The following KCNK2 variants were observed in gnomAD, a reference collection of about 807,000 sequenced individuals.
KCNK2 encodes potassium two pore domain channel subfamily K member 2, also known as potassium channel subfamily K member 2.
A neutral mutation model predicts 40.5 loss-of-function variants in KCNK2; 21 were observed. The observed-to-expected ratio is 0.52, with a 90% CI of 0.37 to 0.75. KCNK2 has a LOEUF of 0.75. Ranked by LOEUF, KCNK2 falls within the 30% of genes least tolerant of loss-of-function variation. The pLI, the probability that KCNK2 is intolerant of heterozygous loss-of-function variation, is 0.00. For synonymous variants in KCNK2, 191 were observed against 202.2 expected (o/e 0.94, Z 0.47); for missense variants, 399 against 531.6 (o/e 0.75, Z 2.45).
At position 215,236,045 on chromosome 1, in the gene KCNK2, A is replaced by AATCTATCATCTATCTATCT. The variant is rs1553277251; in HGVS notation, c.*907_*908insATCTATCTATCTATCTATC. Reference sequence around the variant, plus strand: ...TACATTTTTAAAGGCAGAAGAAGAAAATCTATCTATCTATCTATCTATCTA... The same window carrying AATCTATCATCTATCTATCT: ...TACATTTTTAAAGGCAGAAGAAGAAAATCTATCATCTATCTATCTATCTATCTATCTATCTATCTATCTA... On this transcript the variant is annotated 3_prime_UTR_variant, in exon 7 of 7. Transcript: ENST00000444842. The AATCTATCATCTATCTATCT allele has an allele frequency of 6.9e-6, 1 of 144,302 alleles. No individual in the cohort carries two copies. Among genetic ancestry groups the AATCTATCATCTATCTATCT allele is most frequent in the Non-Finnish European group, 1.5e-5 (1 of 66,166 alleles). 8.9% of individuals were successfully genotyped at this position (144,302 alleles called of 1,614,324 possible).
At chr1:215,180,023 T>C (rs1422116340) in intron 5 of KCNK2, among the ~76,000 whole-genome samples, 1 of 152,206 alleles carries the variant, frequency 6.6e-6, no homozygotes, top group Non-Finnish European at 1.5e-5. Flanking sequence ...GAGCCTGTTT[T>C]ATGAATCTGG....
At chr1:215,145,359 A>G (rs1571662683) in intron 3 of KCNK2, among the ~76,000 whole-genome samples, 1 of 152,306 alleles carries the variant, frequency 6.6e-6, no homozygotes, top group Middle Eastern at 3.4e-3. Context: ...AGAGTAGCAG[A>G]GCTAGGATTT....
chr1:215,019,627 C>T (rs537971975), intron 1 of KCNK2, among the ~76,000 whole-genome samples: 1 of 152,170 alleles, frequency 6.6e-6, no homozygotes, highest in Admixed American at 6.5e-5. Flanking sequence ...AATTCATTCA[C>T]CTTCTATGTT....
intron 3 of KCNK2, among the ~76,000 whole-genome samples, chr1:215,131,765 G>A (rs1020909183): frequency 2.6e-5 from 4 of 151,948 alleles, no homozygotes; most frequent in African/African-American, 9.7e-5. Flanking sequence ...TTTCCTTAGA[G>A]CAACATTTCT....
intron 6 of KCNK2, among the ~76,000 whole-genome samples, chr1:215,213,605 C>CT (rs899755133): frequency 4.6e-5 from 7 of 152,176 alleles, no homozygotes; most frequent in Admixed American, 6.5e-5. Flanking sequence ...GAGCAAAACT[C>CT]TGTCTCAAAG....
intron 1 of KCNK2, among the ~76,000 whole-genome samples, chr1:215,040,552 C>T (rs1295768121): frequency 6.6e-6 from 1 of 152,112 alleles, no homozygotes; most frequent in Admixed American, 6.6e-5. Context: ...GATCCTGGGG[C>T]TTAATAGAAA....
In KCNK2 at chr1:215,086,646, G is replaced by A. The variant is rs1176888758; in HGVS notation, c.325G>A (p.Val109Ile). The A allele has an allele frequency of 5.6e-6, 9 of 1,614,004 alleles. No homozygotes were observed. The African/African-American group carries it at 1.2e-4, about 22-fold the overall frequency. The change falls in exon 2 of 7, where the codon GTC (valine) becomes ATC (isoleucine). Residue 109 changes from valine (V) to isoleucine (I), a missense_variant. This residue lies in a region of KCNK2 where 279 missense variants were observed against 353.8 expected (regional missense o/e 0.79). Coordinates refer to ENST00000444842, the MANE Select transcript of KCNK2 (RefSeq NM_001017425.3). The stretch of plus-strand genomic sequence containing the variant: ...AACATTCATATCCCAACATTCCTGT[G>A]TCAATTCGACGGAGCTGGATGAACT... ...KQTFISQHSCVNSTELDELIQ... is the reference protein window; with the variant it reads ...KQTFISQHSCINSTELDELIQ...
At chr1:215,082,442 C>T (rs1015014572), upstream of KCNK2, among the ~76,000 whole-genome samples, 1 of 152,092 alleles carries the variant, frequency 6.6e-6, no homozygotes, top group Non-Finnish European at 1.5e-5. Context: ...ACACCCCGAA[C>T]GCTGGTCGGG....
At chr1:215,109,988 T>C (rs1660607985) in intron 2 of KCNK2, among the ~76,000 whole-genome samples, 1 of 152,152 alleles carries the variant, frequency 6.6e-6, no homozygotes, top group Non-Finnish European at 1.5e-5. Context: ...TGAGCATTTT[T>C]TGTATACCTG....
intron 5 of KCNK2, among the ~76,000 whole-genome samples, chr1:215,175,089 A>G (rs1663897550): frequency 6.6e-6 from 1 of 152,170 alleles, no homozygotes; most frequent in South Asian, 2.1e-4. Flanking sequence ...ATTCAGTATG[A>G]TATTGGCTGT....
chr1:215,145,437 T>C (rs1415973119), intron 3 of KCNK2, among the ~76,000 whole-genome samples: 2 of 152,176 alleles, frequency 1.3e-5, no homozygotes, highest in Non-Finnish European at 2.9e-5. Flanking sequence ...TCAGTACACT[T>C]GAAAATAAAT....
At chr1:215,124,835 C>A (rs1661346862) in intron 3 of KCNK2, 85 bp downstream of exon 3, 6 of 796,160 alleles carry the variant, frequency 7.5e-6, no homozygotes, top group Middle Eastern at 2.4e-4. Flanking sequence ...TATAGTTGGG[C>A]AAAATGATCT....
intron 1 of KCNK2, among the ~76,000 whole-genome samples, chr1:215,015,608 G>A (rs1349672): frequency 6.6e-6 from 1 of 151,996 alleles, no homozygotes; most frequent in Non-Finnish European, 1.5e-5. Context: ...TGACAGAGAC[G>A]TGTGCTCCCA....
At chr1:215,203,900 C>T (rs369605961) in intron 6 of KCNK2, among the ~76,000 whole-genome samples, 118 of 151,614 alleles carry the variant, frequency 7.8e-4, no homozygotes, top group African/African-American at 2.8e-3. Flanking sequence ...TAGCCGGGTG[C>T]GGTGGCGGGC....
chr1:215,017,307 C>T (rs1285268180), intron 1 of KCNK2, among the ~76,000 whole-genome samples: 1 of 152,066 alleles, frequency 6.6e-6, no homozygotes, highest in African/African-American at 2.4e-5. Flanking sequence ...TACTGCAGCA[C>T]TATTCATAAT....
At chr1:215,046,719 A>G (rs1381961023) in intron 1 of KCNK2, among the ~76,000 whole-genome samples, 1 of 152,154 alleles carries the variant, frequency 6.6e-6, no homozygotes, top group Admixed American at 6.5e-5. Context: ...AACATGACTT[A>G]AAGACTGAGG....
At chr1:215,005,983 CTTAT>C (rs1656114069) in intron 1 of KCNK2, 2 of 1,597,054 alleles carry the variant, frequency 1.3e-6, no homozygotes, top group Non-Finnish European at 1.7e-6. Flanking sequence ...AATCAAGTAC[CTTAT>C]TTGTTTTCAA....
intron 2 of KCNK2, among the ~76,000 whole-genome samples, chr1:215,118,725 A>C (rs1056449060): frequency 6.6e-6 from 1 of 152,164 alleles, no homozygotes; most frequent in Non-Finnish European, 1.5e-5. Context: ...AATGGAGAAA[A>C]AGCGGAAAAA....
chr1:215,064,957 T>C (rs1424559868), intron 1 of KCNK2, among the ~76,000 whole-genome samples: 1 of 152,222 alleles, frequency 6.6e-6, no homozygotes, highest in Non-Finnish European at 1.5e-5. Context: ...AAATATTAAC[T>C]GTGTTTTGTC....
Sources: gnomAD v4.1 joint callset for allele counts (sites outside exome capture counted in the v4.1 genomes callset) on GRCh38, gnomAD v4.1.1 for gene constraint, gnomAD v4.1.1 regional missense constraint, MANE v1.5 for transcripts, NCBI Gene and HGNC (gene_info 2026-07-23, HGNC 2026-07-21) for gene names.